PARN: variants seen among roughly 807,000 people sequenced by gnomAD.
The protein encoded by PARN is poly(A)-specific ribonuclease, also known as poly(A)-specific ribonuclease PARN.
A neutral mutation model predicts 102.8 loss-of-function variants in PARN; 71 were observed. The ratio of observed to expected loss-of-function variants is 0.69; its 90% CI spans 0.57 to 0.84. The LOEUF is 0.84. Ranked by LOEUF, PARN falls within the 40% of genes least tolerant of loss-of-function variation. The pLI is 0.00. For synonymous variants in PARN, 261 were observed against 252.9 expected (o/e 1.03, Z -0.30); for missense variants, 782 against 760.9 (o/e 1.03, Z -0.33).
rs1050093586 is a variant in PARN at position 14,561,015 on chromosome 16, G to A, written c.1263-5306C>T. Among the ~76,000 whole-genome samples, 7 of 152,206 alleles carry A rather than the reference G, an allele frequency of 4.6e-5. 1 individual carries two copies. The highest frequency in any genetic ancestry group is 1.7e-4 in the African/African-American group (7 of 41,532). Reference sequence around the variant, plus strand: ...TATTTAAAAATACAAAAATTAGCTGGGTATGGTGGCGGGTGCCTGTAATCC... The same window carrying A: ...TATTTAAAAATACAAAAATTAGCTGAGTATGGTGGCGGGTGCCTGTAATCC... On this transcript the variant is annotated intron_variant, in intron 18 of 23. Coordinates refer to ENST00000437198, the MANE Select transcript of PARN (RefSeq NM_002582.4).
At chr16:14,621,457 T>TTTA (rs1972293042) in intron 5 of PARN, among the ~76,000 whole-genome samples, 1 of 152,234 alleles carries the variant, frequency 6.6e-6, no homozygotes, top group Non-Finnish European at 1.5e-5. Flanking sequence ...GAGCTATACA[T>TTTA]TTAAATACGG....
At chr16:14,587,265 T>C (rs1969915318) in intron 13 of PARN, among the ~76,000 whole-genome samples, 1 of 152,130 alleles carries the variant, frequency 6.6e-6, no homozygotes, top group Non-Finnish European at 1.5e-5. Flanking sequence ...AAAAATGCAA[T>C]AATGATGTTT....
At chr16:14,586,514 CA>C (rs923260774) in intron 13 of PARN, among the ~76,000 whole-genome samples, 153 bp from the exon 14 acceptor site, 1 of 151,676 alleles carries the variant, frequency 6.6e-6, no homozygotes, top group Non-Finnish European at 1.5e-5. Flanking sequence ...TTAACAAGTA[CA>C]AAAAAAACAC....
chr16:14,528,777 C>T (rs1966152637), intron 21 of PARN, among the ~76,000 whole-genome samples: 1 of 152,150 alleles, frequency 6.6e-6, no homozygotes, highest in Non-Finnish European at 1.5e-5. Flanking sequence ...ACATCAAACA[C>T]CACCGATTTT....
chr16:14,532,812 C>A (rs1040467551), intron 21 of PARN, among the ~76,000 whole-genome samples: 1 of 145,296 alleles, frequency 6.9e-6, no homozygotes. Context: ...GGGGGGCTGA[C>A]CCCCCCACCT....
intron 5 of PARN, 116 bp from the exon 6 acceptor site, chr16:14,617,766 G>C (rs1481576915): frequency 1.1e-5 from 8 of 695,896 alleles, no homozygotes; most frequent in South Asian, 1.1e-4. Context: ...GAAGCGATGT[G>C]CCAGAGGTCA....
chr16:14,540,389 T>C, intron 21 of PARN, among the ~76,000 whole-genome samples: 1 of 152,140 alleles, frequency 6.6e-6, no homozygotes, highest in East Asian at 1.9e-4. Flanking sequence ...AGTAACACAC[T>C]GGCCAACTAC....
At chr16:14,548,924 C>A (rs1341682194) in intron 21 of PARN, among the ~76,000 whole-genome samples, 2 of 149,398 alleles carry the variant, frequency 1.3e-5, no homozygotes, top group Non-Finnish European at 3.0e-5. Context: ...ACCCCACTCT[C>A]GCCTGGGCAA....
chr16:14,618,307 C>G (rs1972055329), intron 5 of PARN, among the ~76,000 whole-genome samples: 1 of 151,914 alleles, frequency 6.6e-6, no homozygotes, highest in Admixed American at 6.6e-5. Flanking sequence ...CTAACATGGT[C>G]AAACTCCGTC....
chr16:14,462,449 A>G (rs1007307885), intron 22 of PARN, among the ~76,000 whole-genome samples: 5 of 152,174 alleles, frequency 3.3e-5, no homozygotes, highest in African/African-American at 1.2e-4. Context: ...AAAGAAAAAA[A>G]CTGTCAAGGA....
At chr16:14,577,944 A>T (rs894513003) in intron 18 of PARN, among the ~76,000 whole-genome samples, 1 of 152,038 alleles carries the variant, frequency 6.6e-6, no homozygotes, top group Non-Finnish European at 1.5e-5. Context: ...CTGGGATTAC[A>T]GACATAGGCC....
intron 3 of PARN, 76 bp from the exon 4 acceptor site, chr16:14,627,412 G>A (rs1972744802): frequency 9.6e-7 from 1 of 1,043,090 alleles, no homozygotes; most frequent in Non-Finnish European, 1.5e-6. Flanking sequence ...CAAACAGGTG[G>A]GCTTTCTGAA....
At chr16:14,628,798 G>C (rs1381204261) in intron 2 of PARN, among the ~76,000 whole-genome samples, 1 of 152,096 alleles carries the variant, frequency 6.6e-6, no homozygotes, top group East Asian at 1.9e-4. Flanking sequence ...TTCAAACATG[G>C]AAAATCAGAC....
chr16:14,529,827 T>C (rs1042627302), intron 21 of PARN, among the ~76,000 whole-genome samples: 1 of 152,160 alleles, frequency 6.6e-6, no homozygotes, highest in East Asian at 1.9e-4. Flanking sequence ...CTTGGTAGAC[T>C]GTGCTGGAGA....
intron 23 of PARN, among the ~76,000 whole-genome samples, chr16:14,443,096 T>G (rs151056335): frequency 6.6e-6 from 1 of 152,184 alleles, no homozygotes; most frequent in Non-Finnish European, 1.5e-5. Flanking sequence ...GGAAAGAGTA[T>G]CTGCACCTTA....
intron 21 of PARN, among the ~76,000 whole-genome samples, chr16:14,549,193 A>G (rs941934971): frequency 3.3e-5 from 5 of 152,344 alleles, no homozygotes; most frequent in Middle Eastern, 3.4e-3. Flanking sequence ...TGTCTTTTGC[A>G]TAAGAAAAGA....
intron 21 of PARN, among the ~76,000 whole-genome samples, chr16:14,493,731 G>A (rs1259540101): frequency 6.6e-6 from 1 of 152,212 alleles, no homozygotes; most frequent in Non-Finnish European, 1.5e-5. Context: ...GCTATTAACA[G>A]GCTGACTGAG....
At chr16:14,470,276 T>C (rs1962640124) in intron 22 of PARN, among the ~76,000 whole-genome samples, 1 of 152,082 alleles carries the variant, frequency 6.6e-6, no homozygotes. Flanking sequence ...AATTTCTGCA[T>C]ACAGGAGCCT....
At chr16:14,550,831 A>G (rs1967251812) in intron 21 of PARN, among the ~76,000 whole-genome samples, 1 of 152,222 alleles carries the variant, frequency 6.6e-6, no homozygotes, top group South Asian at 2.1e-4. Flanking sequence ...TTAACAATAC[A>G]TATTTTCACC....
Sources: allele counts gnomAD v4.1 joint callset (sites outside exome capture counted in the v4.1 genomes callset), GRCh38; gene constraint gnomAD v4.1.1; transcripts MANE v1.5; gene names NCBI Gene and HGNC (gene_info 2026-07-23, HGNC 2026-07-21).